Variants in GLIS3 observed in about 807,000 individuals in gnomAD.
GLIS3 encodes the protein GLIS family zinc finger 3.
In GLIS3, 53 loss-of-function variants were observed where a neutral mutation model predicts 78.6. That is an observed-to-expected ratio of 0.67 (90% CI 0.54 to 0.85). The LOEUF (loss-of-function observed/expected upper bound fraction) is 0.85, where lower values mean the gene tolerates loss of function less well. Ranked by LOEUF, GLIS3 falls within the 40% of genes least tolerant of loss-of-function variation. GLIS3 has a pLI of 0.00. For missense variants in GLIS3, 1,703 were observed against 1,231.1 expected, an observed-to-expected ratio of 1.38 and a Z score of -5.74; for synonymous variants, 684 against 509.9, an observed-to-expected ratio of 1.34 and a Z score of -4.60.
chr9:3,897,185 AC>A (rs1822913429), intron 7 of GLIS3, among the ~76,000 whole-genome samples: 1 of 152,308 alleles, frequency 6.6e-6, no homozygotes, highest in African/African-American at 2.4e-5. Flanking sequence ...ATACAGCCAG[AC>A]TAGCCCATCA....
chr9:3,854,608 C>T (rs1819641078), intron 9 of GLIS3, among the ~76,000 whole-genome samples: 1 of 151,574 alleles, frequency 6.6e-6, no homozygotes, highest in Admixed American at 6.6e-5. Context: ...GCGATCTTGG[C>T]TCACTGCCAG....
At chr9:4,201,697 C>A (rs1257078884) in intron 2 of GLIS3, among the ~76,000 whole-genome samples, 1 of 152,014 alleles carries the variant, frequency 6.6e-6, no homozygotes. Context: ...GTGACACAAA[C>A]AAATGAAAAA....
intron 4 of GLIS3, among the ~76,000 whole-genome samples, chr9:4,007,980 C>T (rs1430243409): frequency 6.6e-6 from 1 of 151,986 alleles, no homozygotes; most frequent in Admixed American, 6.6e-5. Context: ...TGTCAGTGTG[C>T]TTCTCTGTGT....
intron 2 of GLIS3, among the ~76,000 whole-genome samples, chr9:4,203,273 G>A (rs1044690960): frequency 6.6e-6 from 1 of 152,140 alleles, no homozygotes; most frequent in Non-Finnish European, 1.5e-5. Flanking sequence ...TCATAATGAG[G>A]TAGCATCTCA....
At chr9:4,481,547 G>A in the GLIS3 span, among the ~76,000 whole-genome samples, 5 of 137,114 alleles carry the variant, frequency 3.6e-5, no homozygotes, top group African/African-American at 8.2e-5. Context: ...TGTGTGTACC[G>A]TTTTCCAGTG....
At position 4,260,566 on chromosome 9, in the gene GLIS3, C is replaced by CAA. The variant is rs372293678; in HGVS notation, c.388+25470_388+25471dup. Among the ~76,000 whole-genome samples, 338 of 116,894 alleles carry CAA rather than the reference C, an allele frequency of 2.9e-3. 1 individual carries two copies. The highest frequency in any genetic ancestry group is 4.3e-3 in the Middle Eastern group (1 of 232). 76.7% of individuals were successfully genotyped at this position (116,894 alleles called of 152,430 possible). On this transcript the variant is annotated intron_variant, in intron 2 of 10. Coordinates refer to ENST00000381971, the MANE Select transcript of GLIS3 (RefSeq NM_001042413.2). ...TGGGCAACTGAGTGAGACTCTGTCT[C>CAA]AAAAAAAAAAAAAAAAGATAAATAC...
chr9:4,264,932 C>G (rs1825845428), intron 2 of GLIS3, among the ~76,000 whole-genome samples: 1 of 151,820 alleles, frequency 6.6e-6, no homozygotes, highest in Admixed American at 6.6e-5. Flanking sequence ...GGTGGGATGC[C>G]CAGGTGGGTG....
Position 3,937,252 on chromosome 9 carries a change from AGCT to A in GLIS3, c.1711-66_1711-64del. 18 of 1,556,906 alleles carry A rather than the reference AGCT, an allele frequency of 1.2e-5. No individual in the cohort carries two copies. In the Admixed American group the frequency reaches 1.2e-4, roughly 10 times the overall value. On this transcript the variant is annotated intron_variant, in intron 4 of 10. Coordinates refer to ENST00000381971, the MANE Select transcript of GLIS3 (RefSeq NM_001042413.2). ...CCTTGAATGTTTGAGTCTGGGGGACAGCTAAAAAAAAAATGTTCTTAGTTGGTA... is the reference window on the plus strand; with the variant it reads ...CCTTGAATGTTTGAGTCTGGGGGACAAAAAAAAAAATGTTCTTAGTTGGTA...
chr9:4,115,450 T>C (rs901345393), intron 4 of GLIS3, among the ~76,000 whole-genome samples: 4 of 152,136 alleles, frequency 2.6e-5, no homozygotes, highest in African/African-American at 9.7e-5. Context: ...ATTGTAACAG[T>C]TGTATGTGTG....
intron 4 of GLIS3, among the ~76,000 whole-genome samples, chr9:4,042,866 G>C: frequency 6.6e-6 from 1 of 150,920 alleles, no homozygotes; most frequent in Non-Finnish European, 1.5e-5. Flanking sequence ...TATTGAGTTT[G>C]AGTAAAAACT....
chr9:4,296,580 C>A (rs542037102), intron 1 of GLIS3, among the ~76,000 whole-genome samples: 14 of 152,240 alleles, frequency 9.2e-5, no homozygotes, highest in African/African-American at 3.1e-4. Flanking sequence ...AACCTGCCTA[C>A]TAAGGAACTT....
intron 4 of GLIS3, among the ~76,000 whole-genome samples, chr9:3,967,966 A>G (rs763442346): frequency 2.0e-5 from 3 of 152,204 alleles, no homozygotes; most frequent in Admixed American, 6.5e-5. Context: ...ATAAGACCCC[A>G]TAAATCATAT....
chr9:4,289,163 A>C (rs1283627374), intron 1 of GLIS3, among the ~76,000 whole-genome samples: 1 of 152,214 alleles, frequency 6.6e-6, no homozygotes, highest in African/African-American at 2.4e-5. Context: ...TACTTCTGAC[A>C]AATCATTTAT....
intron 9 of GLIS3, among the ~76,000 whole-genome samples, chr9:3,837,868 A>G (rs111374961): frequency 0.077 from 11,719 of 152,252 alleles, 500 homozygotes; most frequent in Non-Finnish European, 0.098. Context: ...CATAGGCTGT[A>G]CAAGAGTGAC....
At chr9:4,195,255 T>C (rs747072340) in intron 2 of GLIS3, among the ~76,000 whole-genome samples, 11 of 112,050 alleles carry the variant, frequency 9.8e-5, no homozygotes, top group East Asian at 1.9e-4. Context: ...TCTGGGCTGG[T>C]TGAGGCCAGA....
intron 1 of GLIS3, among the ~76,000 whole-genome samples, chr9:4,290,085 G>T (rs4237150): frequency 1.3e-5 from 2 of 151,802 alleles, no homozygotes; most frequent in Non-Finnish European, 1.5e-5. Context: ...AAAATTTCAA[G>T]AACATGACTT....
At chr9:4,480,667 C>A in the GLIS3 span, among the ~76,000 whole-genome samples, 1 of 152,002 alleles carries the variant, frequency 6.6e-6, no homozygotes, top group East Asian at 1.9e-4. Context: ...AACGCCTTGG[C>A]CTACCGGGGC....
chr9:4,438,236 A>C, the GLIS3 span, among the ~76,000 whole-genome samples: 3 of 152,196 alleles, frequency 2.0e-5, no homozygotes, highest in East Asian at 5.8e-4. Flanking sequence ...TAAAGTAATG[A>C]ATGTTCAGGT....
intron 4 of GLIS3, among the ~76,000 whole-genome samples, chr9:4,099,232 A>T (rs1427031326): frequency 6.6e-6 from 1 of 152,230 alleles, no homozygotes; most frequent in Non-Finnish European, 1.5e-5. Context: ...TGGGTGGCTT[A>T]AAATAACAGA....
Sources: gnomAD v4.1 joint callset for allele counts (sites outside exome capture counted in the v4.1 genomes callset) on GRCh38, gnomAD v4.1.1 for gene constraint, MANE v1.5 for transcripts, NCBI Gene and HGNC (gene_info 2026-07-23, HGNC 2026-07-21) for gene names.